Variants in PHKB observed in about 807,000 individuals in gnomAD.
PHKB encodes phosphorylase kinase regulatory subunit beta, also known as phosphorylase b kinase regulatory subunit beta.
Under a neutral mutation model 152.1 loss-of-function variants are expected in PHKB, and 122 were observed. The observed-to-expected ratio is 0.80, with a 90% CI of 0.69 to 0.93. The LOEUF is 0.93. Ranked by LOEUF, PHKB falls within the 40% of genes least tolerant of loss-of-function variation. The probability of loss-of-function intolerance (pLI) is 0.00; values close to 1 mark genes in which losing one functional copy is unlikely to be tolerated. For synonymous variants in PHKB, 436 were observed against 464.9 expected (o/e 0.94, Z 0.80); for missense variants, 1,304 against 1,328.4 (o/e 0.98, Z 0.29).
intron 26 of PHKB, among the ~76,000 whole-genome samples, chr16:47,673,601 G>A (rs2142083728): frequency 6.6e-6 from 1 of 152,226 alleles, no homozygotes; most frequent in Non-Finnish European, 1.5e-5. Flanking sequence ...AGGACAGGTT[G>A]CCTTACAATC....
At chr16:47,512,411 AG>A (rs1186737828) in intron 5 of PHKB, among the ~76,000 whole-genome samples, 1 of 152,210 alleles carries the variant, frequency 6.6e-6, no homozygotes, top group Non-Finnish European at 1.5e-5. Context: ...CCGTGACAAA[AG>A]TTTTTACATG....
At chr16:47,564,908 G>A (rs1971538608) in intron 7 of PHKB, among the ~76,000 whole-genome samples, 1 of 150,326 alleles carries the variant, frequency 6.7e-6, no homozygotes, top group Non-Finnish European at 1.5e-5. Flanking sequence ...TTGGTTTTAG[G>A]TATTTGGCTT....
chr16:47,626,119 T>A (rs921579411), intron 14 of PHKB, among the ~76,000 whole-genome samples: 1 of 152,228 alleles, frequency 6.6e-6, no homozygotes, highest in African/African-American at 2.4e-5. Context: ...ACCTTTCTAG[T>A]GTATAAAACT....
At chr16:47,652,588 A>G (rs1302018944) in intron 20 of PHKB, among the ~76,000 whole-genome samples, 2 of 151,542 alleles carry the variant, frequency 1.3e-5, no homozygotes, top group African/African-American at 4.9e-5. Context: ...AGCCATTCTG[A>G]CTGGTGTGGG....
At chr16:47,566,370 T>C (rs1224370056) in intron 7 of PHKB, 2 of 1,483,916 alleles carry the variant, frequency 1.3e-6, no homozygotes, top group East Asian at 2.3e-5. Flanking sequence ...CCTGTCTTTA[T>C]CCTGTGCTTG....
At chr16:47,670,970 T>C (rs764321699) in intron 26 of PHKB, among the ~76,000 whole-genome samples, 2 of 152,152 alleles carry the variant, frequency 1.3e-5, no homozygotes, top group African/African-American at 2.4e-5. Flanking sequence ...AACAATATTA[T>C]CATCTGGTCC....
At chr16:47,656,302 C>T (rs1031032198) in intron 20 of PHKB, among the ~76,000 whole-genome samples, 1 of 152,190 alleles carries the variant, frequency 6.6e-6, no homozygotes, top group African/African-American at 2.4e-5. Context: ...CAGGCGTGAG[C>T]CACCGCGCCT....
chr16:47,629,549 A>G (rs1241908053), intron 14 of PHKB, among the ~76,000 whole-genome samples: 2 of 151,120 alleles, frequency 1.3e-5, no homozygotes, highest in Non-Finnish European at 3.0e-5. Flanking sequence ...GATGTGGAGA[A>G]ATAGGAACAC....
rs185645608 is a variant in PHKB, at chr16:47,495,387, T to C, written c.77-2012T>C. Among the ~76,000 whole-genome samples the C allele has an allele frequency of 3.3e-3, 504 of 152,258 alleles. 3 individuals carry two copies. The highest frequency in any genetic ancestry group is 0.012 in the African/African-American group (481 of 41,562). On this transcript the variant is annotated intron_variant, in intron 1 of 30. Transcript: ENST00000323584. The stretch of plus-strand genomic sequence containing the variant: ...TAAGTTTGCATATTCTATATCCATA[T>C]GCTCATGTATCATTTAATTTTAATG...
intron 6 of PHKB, chr16:47,529,124 A>G (rs1210509403): frequency 6.6e-6 from 1 of 152,258 alleles, no homozygotes; most frequent in African/African-American, 2.4e-5. Context: ...CCAAATAATC[A>G]TAATATAGGT....
At chr16:47,640,619 G>C (rs1973001065) in intron 14 of PHKB, among the ~76,000 whole-genome samples, 1 of 152,146 alleles carries the variant, frequency 6.6e-6, no homozygotes, top group Admixed American at 6.5e-5. Flanking sequence ...CTTATATGTG[G>C]TTAAGATGTC....
rs185491227 is a variant in PHKB at position 47,671,354 on chromosome 16, A to G, written c.2630+1937A>G. The stretch of plus-strand genomic sequence containing the variant: ...ATAAGAAGCATGTAACATAAAATTT[A>G]CCATCTTAACCATTTTTAAATATAC... On this transcript the variant is annotated intron_variant, in intron 26 of 30. Coordinates refer to ENST00000323584, the MANE Select transcript of PHKB (RefSeq NM_000293.3). Among the ~76,000 whole-genome samples the G allele has an allele frequency of 4.1e-4, 63 of 152,314 alleles. No homozygotes were observed. In the East Asian group the frequency reaches 9.2e-3, roughly 22 times the overall value.
At chr16:47,582,329 C>T (rs954967773) in intron 8 of PHKB, among the ~76,000 whole-genome samples, 2 of 152,190 alleles carry the variant, frequency 1.3e-5, no homozygotes, top group African/African-American at 2.4e-5. Flanking sequence ...CACACACATA[C>T]ATACAAGCTA....
intron 6 of PHKB, among the ~76,000 whole-genome samples, chr16:47,522,847 ATTTC>A (rs145199531): frequency 1.7e-4 from 26 of 151,832 alleles, no homozygotes; most frequent in Admixed American, 2.6e-4. Context: ...GAATTTTTAA[ATTTC>A]TTTCTGTTAC....
chr16:47,488,074 T>C (rs1970080141), intron 1 of PHKB, among the ~76,000 whole-genome samples: 1 of 152,186 alleles, frequency 6.6e-6, no homozygotes, highest in African/African-American at 2.4e-5. Flanking sequence ...AGCGTTCCCT[T>C]TTTTTCCGCA....
chr16:47,539,181 A>G (rs1971006084), intron 6 of PHKB, among the ~76,000 whole-genome samples: 1 of 152,134 alleles, frequency 6.6e-6, no homozygotes, highest in Non-Finnish European at 1.5e-5. Context: ...AAATCTTTAC[A>G]TGGAAGCTCT....
Position 47,461,395 on chromosome 16 carries a change from C to G in PHKB, c.45C>G (p.Val15=). ...AGLTAEVSWK[V]LERRARTKRS... Reference sequence around the variant, plus strand: ...TCACGGCAGAAGTGAGCTGGAAGGTCTTGGAGCGAAGAGCTCGGACCAAGC... The same window carrying G: ...TCACGGCAGAAGTGAGCTGGAAGGTGTTGGAGCGAAGAGCTCGGACCAAGC... Residue 15 remains valine, a synonymous_variant, in exon 1 of 31, where the codon GTC becomes GTG. Transcript: ENST00000323584. 2 of 1,613,232 alleles carry G rather than the reference C, an allele frequency of 1.2e-6. No homozygotes were observed. Among genetic ancestry groups the G allele is most frequent in the Non-Finnish European group, 1.7e-6 (2 of 1,179,808 alleles).
chr16:47,693,115 T>C (rs1274087587), intron 27 of PHKB, among the ~76,000 whole-genome samples: 2 of 152,242 alleles, frequency 1.3e-5, no homozygotes, highest in Non-Finnish European at 2.9e-5. Context: ...TTTGAGCATG[T>C]AGTAAGCAAT....
intron 6 of PHKB, among the ~76,000 whole-genome samples, chr16:47,546,206 T>C (rs1466021313): frequency 6.6e-6 from 1 of 152,196 alleles, no homozygotes; most frequent in East Asian, 1.9e-4. Flanking sequence ...TCTGCTCTGG[T>C]TTCTCCCCGT....
Sources: allele counts gnomAD v4.1 joint callset (sites outside exome capture counted in the v4.1 genomes callset), GRCh38; gene constraint gnomAD v4.1.1; transcripts MANE v1.5; gene names NCBI Gene and HGNC (gene_info 2026-07-23, HGNC 2026-07-21).